POLR3C: variants seen among roughly 807,000 people sequenced by gnomAD.
The protein encoded by POLR3C is DNA-directed RNA polymerase III subunit RPC3.
A neutral mutation model predicts 65.9 loss-of-function variants in POLR3C; 44 were observed. The ratio of observed to expected loss-of-function variants is 0.67; its 90% CI spans 0.52 to 0.86. The LOEUF (loss-of-function observed/expected upper bound fraction) is 0.86, where lower values mean the gene tolerates loss of function less well. POLR3C is among the 40% of genes least tolerant of loss of function. The pLI, the probability that POLR3C is intolerant of heterozygous loss-of-function variation, is 0.00. For missense variants in POLR3C, 576 were observed against 653.2 expected, an observed-to-expected ratio of 0.88 and a Z score of 1.29; for synonymous variants, 263 against 231.6, an observed-to-expected ratio of 1.14 and a Z score of -1.23.
chr1:145,824,803 A>G (rs1650565629), intron 1 of POLR3C, among the ~76,000 whole-genome samples: 1 of 152,080 alleles, frequency 6.6e-6, no homozygotes. Context: ...TACCTCCTAA[A>G]TTTCTTTTTC....
chr1:145,827,084 T>C (rs1650823492), intron 4 of POLR3C, 79 bp downstream of exon 4: 2 of 1,137,282 alleles, frequency 1.8e-6, no homozygotes, highest in Admixed American at 4.3e-5. Flanking sequence ...TGAAATGTGA[T>C]TGTATTTACC....
rs782391768 is a variant in POLR3C, at chr1:145,833,448, G to A, written c.784-42G>A. 7 of 1,550,526 alleles carry A rather than the reference G, an allele frequency of 4.5e-6. No individual in the cohort carries two copies. The African/African-American group carries it at 9.5e-5, about 21-fold the overall frequency. ...TGGCCATTGGCACATAGAGCCAGGG[G>A]CAGCACTGTGATTTCTGAATTCTAG... On this transcript the variant is annotated intron_variant, in intron 6 of 14. Coordinates refer to ENST00000334163, the MANE Select transcript of POLR3C (RefSeq NM_006468.8).
chr1:145,843,907 G>A lies in POLR3C; in HGVS notation c.*1487G>A, dbSNP rs1652473143. 6.6e-6 allele frequency among the ~76,000 whole-genome samples: 1 copy of A among 152,154 alleles called. No homozygotes were observed. The highest frequency in any genetic ancestry group is 6.5e-5 in the Admixed American group (1 of 15,278). ...TTCGAAAGAAGATACACAAATGGCC[G>A]ACAGATACATCAAAAAATGTTCAAC... On this transcript the variant is annotated 3_prime_UTR_variant, in exon 15 of 15. Coordinates refer to ENST00000334163, the MANE Select transcript of POLR3C (RefSeq NM_006468.8).
chr1:145,840,506 C>A, intron 13 of POLR3C: 1 of 278,038 alleles, frequency 3.6e-6, no homozygotes, highest in South Asian at 5.2e-5. Flanking sequence ...CGCCACTGCA[C>A]TCCAGCCTGG....
In POLR3C at chr1:145,840,941, CAG is replaced by C. The variant is rs782121080; in HGVS notation, c.1396_1397del (p.Arg466GlyfsTer29). On this transcript the variant is annotated frameshift_variant, in exon 14 of 15. Transcript: ENST00000334163. LOFTEE classifies it high-confidence loss of function. ...TGACAGGCGTCTACTAGAAAAATCTCAGAGGGTAGAAGCCATCATTGCATCTA... is the reference window on the plus strand; with the variant it reads ...TGACAGGCGTCTACTAGAAAAATCTCAGGGTAGAAGCCATCATTGCATCTA... ...KENKRLLEKS[Q>X]RVEAIIASMQ... The C allele has an allele frequency of 1.2e-6, 2 of 1,613,260 alleles. No homozygotes were observed. Among genetic ancestry groups the C allele is most frequent in the South Asian group, 1.1e-5 (1 of 91,050 alleles).
At chr1:145,828,616 T>C in intron 4 of POLR3C, 133 bp from the exon 5 acceptor site, 1 of 648,468 alleles carries the variant, frequency 1.5e-6, no homozygotes, top group Non-Finnish European at 2.7e-6. Flanking sequence ...TTATAGCTCT[T>C]CAGCCCCCTA....
chr1:145,836,372 AG>A (rs1651841013), intron 7 of POLR3C, 121 bp from the exon 8 acceptor site: 6 of 680,172 alleles, frequency 8.8e-6, no homozygotes, highest in Middle Eastern at 2.5e-4. Flanking sequence ...CACCTGCCTC[AG>A]CCTCCCAAAG....
At position 145,826,950 on chromosome 1, in the gene POLR3C, C is replaced by T. The variant is rs782722812; in HGVS notation, c.534C>T (p.Pro178=). The T allele has an allele frequency of 6.2e-7, 1 of 1,612,712 alleles. No homozygotes were observed. Among genetic ancestry groups the T allele is most frequent in the Middle Eastern group, 1.7e-4 (1 of 6,056 alleles). ...ACCCTGGGCCACCACCACCTGCCCC[C>T]ACACTTGTCATTAATGAAAAGGACA... is the stretch of plus-strand genomic sequence containing the variant. ...NSDPGPPPPA[P]TLVINEKDMY... The change falls in exon 4 of 15, where the codon CCC becomes CCT. Residue 178 remains proline, a synonymous_variant. Transcript: ENST00000334163.
At chr1:145,836,953 T>G in intron 9 of POLR3C, 87 bp downstream of exon 9, 1 of 681,108 alleles carries the variant, frequency 1.5e-6, no homozygotes, top group Non-Finnish European at 2.6e-6. Context: ...TTGGTAATGT[T>G]TATTATACTA....
chr1:145,830,547 C>A (rs200264831), intron 5 of POLR3C, among the ~76,000 whole-genome samples: 1 of 152,122 alleles, frequency 6.6e-6, no homozygotes, highest in South Asian at 2.1e-4. Context: ...CACCTGTAAT[C>A]CCAGCACTTT....
chr1:145,831,565 A>C (rs1338110212), intron 5 of POLR3C, among the ~76,000 whole-genome samples: 1 of 152,088 alleles, frequency 6.6e-6, no homozygotes, highest in Non-Finnish European at 1.5e-5. Flanking sequence ...CAGATTTGGA[A>C]ATGCATCAAT....
At chr1:145,826,392 C>T (rs1473834587) in intron 2 of POLR3C, 62 bp from the exon 3 acceptor site, 1 of 1,514,828 alleles carries the variant, frequency 6.6e-7, no homozygotes, top group Non-Finnish European at 9.1e-7. Context: ...AAAAAATTGC[C>T]AGCAGTAATG....
rs782370902 is a variant in POLR3C at position 145,837,608 on chromosome 1, A to T, written c.1070+12A>T. On this transcript the variant is annotated intron_variant, in intron 10 of 14. Coordinates refer to ENST00000334163, the MANE Select transcript of POLR3C (RefSeq NM_006468.8). ...GTCGTACAGGAGAGGTAAGGGGGAC[A>T]CTGGTTGGGTTTGGGATCACATACT... 5 of 1,590,258 alleles carry T rather than the reference A, an allele frequency of 3.1e-6. No individual in the cohort carries two copies. The highest frequency in any genetic ancestry group is 3.5e-6 in the Non-Finnish European group (4 of 1,159,336).
At position 145,825,852 on chromosome 1, in the gene POLR3C, G is replaced by A; in HGVS notation, c.76G>A (p.Val26Ile). 6.2e-7 allele frequency: 1 copy of A among 1,613,286 alleles called. No individual in the cohort carries two copies. Among genetic ancestry groups the A allele is most frequent in the Non-Finnish European group, 8.5e-7 (1 of 1,179,202 alleles). The change falls in exon 2 of 15, where the codon GTC (valine) becomes ATC (isoleucine). Residue 26 changes from valine to isoleucine, a missense_variant. Val to Ile is a conservative substitution (Grantham distance 29). Transcript: ENST00000334163. Reference sequence around the variant, plus strand: ...TGGAGAGATTGTAGAAAAAATTGGAGTCCATCTGATAAGAACCGGCAGCCA... The same window carrying A: ...TGGAGAGATTGTAGAAAAAATTGGAATCCATCTGATAAGAACCGGCAGCCA... ...HFGEIVEKIGVHLIRTGSQPL... is the reference protein window; with the variant it reads ...HFGEIVEKIGIHLIRTGSQPL...
intron 1 of POLR3C, among the ~76,000 whole-genome samples, chr1:145,825,147 C>A (rs1460701631): frequency 6.6e-6 from 1 of 151,558 alleles, no homozygotes; most frequent in African/African-American, 2.4e-5. Context: ...CTCGCACTGT[C>A]GCCCGGGTTG....
intron 9 of POLR3C, 93 bp from the exon 10 acceptor site, chr1:145,837,443 A>G: frequency 1.6e-6 from 1 of 622,310 alleles, no homozygotes; most frequent in Non-Finnish European, 2.7e-6. Context: ...TAGCATTTAA[A>G]ATTTAATTAT....
In POLR3C at chr1:145,835,727, C is replaced by T. The variant is rs1173072793; in HGVS notation, c.877-767C>T. ...TAGCTGAGATCACAGGCACATGCCA[C>T]CACGCCAGGCTAATTTTTGTATTTT... On this transcript the variant is annotated intron_variant, in intron 7 of 14. Transcript: ENST00000334163. Among the ~76,000 whole-genome samples the T allele has an allele frequency of 2.6e-5, 4 of 151,990 alleles. 1 individual carries two copies. The highest frequency in any genetic ancestry group is 9.7e-5 in the African/African-American group (4 of 41,392).
chr1:145,824,659 A>C (rs1284767421), intron 1 of POLR3C: 1 of 541,732 alleles, frequency 1.8e-6, no homozygotes, highest in Non-Finnish European at 3.2e-6. Flanking sequence ...TAAGGAAGTA[A>C]TCATAAAATT....
chr1:145,831,532 G>T (rs1187221847), intron 5 of POLR3C, among the ~76,000 whole-genome samples: 1 of 144,376 alleles, frequency 6.9e-6, no homozygotes, highest in Non-Finnish European at 1.5e-5. Flanking sequence ...AAAAAAAAAA[G>T]AGAGAGTTCT....
Sources: gnomAD v4.1 joint callset for allele counts (sites outside exome capture counted in the v4.1 genomes callset) on GRCh38, gnomAD v4.1.1 for gene constraint, MANE v1.5 for transcripts, NCBI Gene and HGNC (gene_info 2026-07-23, HGNC 2026-07-21) for gene names.